The following ERBB4 variants were observed in gnomAD, a reference collection of about 807,000 sequenced individuals.
The protein encoded by ERBB4 is erb-b2 receptor tyrosine kinase 4, also known as receptor tyrosine-protein kinase erbB-4.
ERBB4 carries 42 observed loss-of-function variants against 158.0 expected under a neutral mutation model. The ratio of observed to expected loss-of-function variants is 0.27; its 90% CI spans 0.21 to 0.34. The LOEUF is 0.34. Ranked by LOEUF, ERBB4 falls within the 10% of genes least tolerant of loss-of-function variation. The pLI is 1.00. For missense variants in ERBB4, 1,333 were observed against 1,624.1 expected (o/e 0.82, Z 3.08); for synonymous variants, 583 against 558.7 (o/e 1.04, Z -0.61).
intron 3 of ERBB4, among the ~76,000 whole-genome samples, chr2:211,905,248 A>G (rs1176877292): frequency 2.6e-5 from 4 of 152,006 alleles, no homozygotes; most frequent in Admixed American, 2.0e-4. Context: ...TTCTTAGCTC[A>G]TAGTCCCCTT....
At chr2:211,531,764 A>G (rs1193381206) in intron 20 of ERBB4, among the ~76,000 whole-genome samples, 3 of 152,048 alleles carry the variant, frequency 2.0e-5, no homozygotes, top group Non-Finnish European at 2.9e-5. Context: ...TTCCTCAAAA[A>G]ACTAAAAATG....
chr2:211,484,498 A>C (rs1360255005), intron 20 of ERBB4, among the ~76,000 whole-genome samples: 1 of 152,206 alleles, frequency 6.6e-6, no homozygotes, highest in Non-Finnish European at 1.5e-5. Flanking sequence ...ATAATTTAAA[A>C]GTAAAGGGAT....
intron 2 of ERBB4, among the ~76,000 whole-genome samples, chr2:211,984,571 A>T (rs1254323233): frequency 6.6e-6 from 1 of 152,142 alleles, no homozygotes; most frequent in African/African-American, 2.4e-5. Flanking sequence ...TGAAGGCAGA[A>T]ATTCAGGTTT....
intron 12 of ERBB4, among the ~76,000 whole-genome samples, chr2:211,688,104 G>A (rs1201718716): frequency 6.6e-6 from 1 of 151,860 alleles, no homozygotes; most frequent in African/African-American, 2.4e-5. Context: ...TACTATTTTC[G>A]ATTTAGCATG....
At chr2:211,975,345 TG>T (rs2081576159) in intron 2 of ERBB4, among the ~76,000 whole-genome samples, 1 of 152,220 alleles carries the variant, frequency 6.6e-6, no homozygotes, top group South Asian at 2.1e-4. Context: ...ATTCTAGTGT[TG>T]TCCAATCAAT....
At chr2:212,124,447 A>C in intron 2 of ERBB4, 1 of 375,920 alleles carries the variant, frequency 2.7e-6, no homozygotes, top group South Asian at 2.6e-5. Flanking sequence ...TGGTCCTCTG[A>C]CTCTCCTAGT....
chr2:212,119,113 G>T (rs4571009), intron 2 of ERBB4, among the ~76,000 whole-genome samples: 74,038 of 151,806 alleles, frequency 0.49, 19,280 homozygotes, highest in Non-Finnish European at 0.58. Flanking sequence ...CCACATCCAT[G>T]CATCAACTGT....
intron 1 of ERBB4, among the ~76,000 whole-genome samples, chr2:212,144,749 C>A (rs1452417730): frequency 6.6e-6 from 1 of 152,112 alleles, no homozygotes; most frequent in Non-Finnish European, 1.5e-5. Flanking sequence ...TCTGGCTGGG[C>A]AGGCCAGATG....
intron 14 of ERBB4, among the ~76,000 whole-genome samples, chr2:211,670,751 AAATACCTAGCACAGAACTAGCTCAC>A (rs1484380835): frequency 6.6e-6 from 1 of 152,218 alleles, no homozygotes; most frequent in Non-Finnish European, 1.5e-5. Context: ...ATGTAGGTGC[AAATACCTAGCACAGAACTAGCTCAC>A]AAAAGGCCCT....
chr2:211,678,600 T>G (rs1225989103), intron 13 of ERBB4, among the ~76,000 whole-genome samples: 2 of 152,196 alleles, frequency 1.3e-5, no homozygotes, highest in Non-Finnish European at 2.9e-5. Context: ...CGTCTATGTG[T>G]TGTCTCCTTT....
At chr2:211,898,205 C>T (rs2079149411) in intron 3 of ERBB4, among the ~76,000 whole-genome samples, 1 of 151,902 alleles carries the variant, frequency 6.6e-6, no homozygotes, top group South Asian at 2.1e-4. Context: ...CTAAATATGC[C>T]TATTTTAAAT....
intron 3 of ERBB4, among the ~76,000 whole-genome samples, chr2:211,903,311 A>T (rs1391425394): frequency 6.6e-6 from 1 of 152,076 alleles, no homozygotes; most frequent in African/African-American, 2.4e-5. Flanking sequence ...ATATTGAATG[A>T]AGTATATTTT....
intron 8 of ERBB4, among the ~76,000 whole-genome samples, chr2:211,713,085 G>A (rs1032399405): frequency 2.6e-5 from 4 of 152,028 alleles, no homozygotes; most frequent in African/African-American, 9.7e-5. Flanking sequence ...TCATTTCATA[G>A]ATCTCATCTT....
chr2:212,080,881 C>T (rs2078422509), intron 2 of ERBB4, among the ~76,000 whole-genome samples: 1 of 152,084 alleles, frequency 6.6e-6, no homozygotes, highest in Admixed American at 6.6e-5. Flanking sequence ...TGTTTTGAAG[C>T]AACCTCATAA....
At chr2:212,288,176 T>G (rs1380718747) in intron 1 of ERBB4, among the ~76,000 whole-genome samples, 1 of 152,168 alleles carries the variant, frequency 6.6e-6, no homozygotes, top group Non-Finnish European at 1.5e-5. Context: ...CTATCTGTGC[T>G]TAAGGCCTAA....
chr2:212,259,293 A>G (rs1406586704), intron 1 of ERBB4, among the ~76,000 whole-genome samples: 1 of 152,180 alleles, frequency 6.6e-6, no homozygotes, highest in Non-Finnish European at 1.5e-5. Context: ...TTATACTTTA[A>G]AATCTATTCT....
At chr2:212,046,255 G>A (rs921981472) in intron 2 of ERBB4, among the ~76,000 whole-genome samples, 6 of 152,254 alleles carry the variant, frequency 3.9e-5, no homozygotes, top group East Asian at 1.9e-4. Flanking sequence ...TTGGTGCTAC[G>A]AGACACCTAA....
chr2:211,727,457 T>C (rs1307087117), intron 5 of ERBB4, among the ~76,000 whole-genome samples: 1 of 152,090 alleles, frequency 6.6e-6, no homozygotes, highest in African/African-American at 2.4e-5. Context: ...ATACACAATA[T>C]AAGGCAGTAT....
intron 2 of ERBB4, among the ~76,000 whole-genome samples, chr2:212,076,910 G>T (rs2078291842): frequency 1.3e-5 from 2 of 151,908 alleles, no homozygotes; most frequent in African/African-American, 2.4e-5. Flanking sequence ...TGAAGGGCTG[G>T]TAGTCAAAGT....
Sources: allele counts gnomAD v4.1 joint callset (sites outside exome capture counted in the v4.1 genomes callset), GRCh38; gene constraint gnomAD v4.1.1; transcripts MANE v1.5; gene names NCBI Gene and HGNC (gene_info 2026-07-23, HGNC 2026-07-21).